The following ASB3 variants were observed in gnomAD, a reference collection of about 807,000 sequenced individuals.
ASB3 encodes ankyrin repeat and SOCS box containing 3, also known as ankyrin repeat and SOCS box protein 3.
A neutral mutation model predicts 54.5 loss-of-function variants in ASB3; 41 were observed. The observed-to-expected ratio is 0.75, with a 90% CI of 0.59 to 0.98. The LOEUF is 0.98. Ranked by LOEUF, ASB3 falls within the 50% of genes least tolerant of loss-of-function variation. The pLI is 0.00. For missense variants in ASB3, 733 were observed against 620.0 expected (o/e 1.18, Z -1.94); for synonymous variants, 266 against 221.2 (o/e 1.20, Z -1.80).
chr2:53,765,702 C>T lies in ASB3; in HGVS notation c.-13-117G>A, dbSNP rs976537413. ...CTCTCACATGACTGACGAAGAAGGGCCCACAATACAGAAAGTGACTGCCAT... is the reference window on the plus strand; with the variant it reads ...CTCTCACATGACTGACGAAGAAGGGTCCACAATACAGAAAGTGACTGCCAT... On this transcript the variant is annotated intron_variant, in intron 1 of 9. Coordinates refer to ENST00000263634, the MANE Select transcript of ASB3 (RefSeq NM_016115.5). 4 of 1,200,166 alleles carry T rather than the reference C, an allele frequency of 3.3e-6. No homozygotes were observed. In the African/African-American group the frequency reaches 4.6e-5, roughly 14 times the overall value. 74.3% of individuals were successfully genotyped at this position (1,200,166 alleles called of 1,614,324 possible).
chr2:53,730,206 G>T (rs1213061814), intron 3 of ASB3, among the ~76,000 whole-genome samples: 1 of 152,136 alleles, frequency 6.6e-6, no homozygotes, highest in Non-Finnish European at 1.5e-5. Context: ...AGGAATTTAA[G>T]CACGAAGTTA....
chr2:53,692,540 T>G (rs896094705), intron 9 of ASB3, among the ~76,000 whole-genome samples: 2 of 152,170 alleles, frequency 1.3e-5, no homozygotes, highest in African/African-American at 4.8e-5. Flanking sequence ...CTCTACCTAG[T>G]ACTTAATTAA....
At chr2:53,767,770 G>T in intron 1 of ASB3, 1 of 1,273,300 alleles carries the variant, frequency 7.9e-7, no homozygotes. Context: ...TGCGCCCCAA[G>T]TGGCCATCGC....
chr2:53,786,243 C>G (rs1674988296), intron 1 of ASB3: 1 of 152,222 alleles, frequency 6.6e-6, no homozygotes, highest in African/African-American at 2.4e-5. Flanking sequence ...TTCATAAACA[C>G]ACACATTCAT....
At chr2:53,770,498 TAAAAAAAAAA>T (rs76201682) in intron 1 of ASB3, among the ~76,000 whole-genome samples, 1 of 110,560 alleles carries the variant, frequency 9.0e-6, no homozygotes. Context: ...GAAGTTTATT[TAAAAAAAAAA>T]AAAAAAAAAA....
intron 1 of ASB3, among the ~76,000 whole-genome samples, chr2:53,785,461 C>G (rs1573046027): frequency 6.6e-6 from 1 of 151,804 alleles, no homozygotes; most frequent in Admixed American, 6.6e-5. Flanking sequence ...ACTATTACTA[C>G]TATAATAGTT....
At chr2:53,773,905 C>G (rs574328090) in intron 1 of ASB3, among the ~76,000 whole-genome samples, 26 of 152,120 alleles carry the variant, frequency 1.7e-4, no homozygotes, top group Admixed American at 1.3e-3. Flanking sequence ...CATGGTGGTG[C>G]ATTCCTGTAA....
chr2:53,709,136 C>T (rs1248292061), intron 7 of ASB3, among the ~76,000 whole-genome samples: 1 of 152,214 alleles, frequency 6.6e-6, no homozygotes, highest in Non-Finnish European at 1.5e-5. Flanking sequence ...CCATCACAGG[C>T]CCAGAGGCCT....
intron 3 of ASB3, among the ~76,000 whole-genome samples, chr2:53,749,115 TA>T (rs1242894969): frequency 2.0e-5 from 3 of 152,024 alleles, no homozygotes; most frequent in Non-Finnish European, 4.4e-5. Flanking sequence ...ACTACTTCCA[TA>T]AGTCTGAAAT....
In ASB3 at chr2:53,726,756, G is replaced by T. The variant is rs189309559; in HGVS notation, c.604+1956C>A. Among the ~76,000 whole-genome samples the T allele has an allele frequency of 5.3e-5, 8 of 151,704 alleles. No homozygotes were observed. The East Asian group carries it at 9.7e-4, about 18-fold the overall frequency. On this transcript the variant is annotated intron_variant, in intron 5 of 9. Coordinates refer to ENST00000263634, the MANE Select transcript of ASB3 (RefSeq NM_016115.5). Reference sequence around the variant, plus strand: ...TTGTTGCCCAGACTGGAGTGCGGTGGTGCGATCTTAGCTCACTACAACCTC... The same window carrying T: ...TTGTTGCCCAGACTGGAGTGCGGTGTTGCGATCTTAGCTCACTACAACCTC...
At chr2:53,714,054 G>A (rs1341917646) in intron 7 of ASB3, among the ~76,000 whole-genome samples, 1 of 152,062 alleles carries the variant, frequency 6.6e-6, no homozygotes, top group Non-Finnish European at 1.5e-5. Flanking sequence ...TGCCTTACTT[G>A]ATAAAGCCCC....
chr2:53,750,762 C>T, intron 3 of ASB3, 21 bp downstream of exon 3: 2 of 1,483,150 alleles, frequency 1.3e-6, no homozygotes, highest in South Asian at 3.0e-5. Flanking sequence ...ATTGCATCTG[C>T]ACCACAAATA....
intron 9 of ASB3, among the ~76,000 whole-genome samples, chr2:53,680,005 G>C (rs1427143429): frequency 1.3e-5 from 2 of 152,040 alleles, no homozygotes; most frequent in Non-Finnish European, 2.9e-5. Flanking sequence ...ATGGTTTTCT[G>C]TTCCTGCATT....
At chr2:53,765,355 C>T in intron 2 of ASB3, 22 bp downstream of exon 2, 2 of 1,613,916 alleles carry the variant, frequency 1.2e-6, no homozygotes, top group Non-Finnish European at 1.7e-6. Context: ...GGCAAAGCCT[C>T]CATACCTTGA....
intron 9 of ASB3, among the ~76,000 whole-genome samples, chr2:53,681,807 TG>T (rs1668385279): frequency 6.6e-6 from 1 of 152,194 alleles, no homozygotes; most frequent in African/African-American, 2.4e-5. Context: ...CCTCCAGTTT[TG>T]TTCTTTTTGC....
chr2:53,671,095 C>G (rs564724727), intron 9 of ASB3, among the ~76,000 whole-genome samples: 1 of 152,298 alleles, frequency 6.6e-6, no homozygotes, highest in South Asian at 2.1e-4. Flanking sequence ...AATAGATGTA[C>G]AGCTTGCAAG....
intron 2 of ASB3, among the ~76,000 whole-genome samples, chr2:53,757,599 T>C (rs1572979164): frequency 6.6e-6 from 1 of 152,218 alleles, no homozygotes; most frequent in Non-Finnish European, 1.5e-5. Flanking sequence ...TGGTTCAGAC[T>C]TCATTTCCTC....
At chr2:53,766,072 G>A (rs1490231715) in intron 1 of ASB3, among the ~76,000 whole-genome samples, 1 of 152,148 alleles carries the variant, frequency 6.6e-6, no homozygotes, top group African/African-American at 2.4e-5. Flanking sequence ...AAAGAGGCCA[G>A]AAAAGCAGTG....
At chr2:53,727,528 T>C (rs540522648) in intron 5 of ASB3, among the ~76,000 whole-genome samples, 3 of 152,196 alleles carry the variant, frequency 2.0e-5, no homozygotes, top group African/African-American at 7.2e-5. Flanking sequence ...CGCAGCTATT[T>C]GGTAGGCTAA....
Sources: gnomAD v4.1 joint callset for allele counts (sites outside exome capture counted in the v4.1 genomes callset) on GRCh38, gnomAD v4.1.1 for gene constraint, MANE v1.5 for transcripts, NCBI Gene and HGNC (gene_info 2026-07-23, HGNC 2026-07-21) for gene names.